Variants in RABGAP1L observed in about 807,000 individuals in gnomAD.
RABGAP1L encodes RAB GTPase activating protein 1 like.
In RABGAP1L, 63 loss-of-function variants were observed where a neutral mutation model predicts 137.7. The ratio of observed to expected loss-of-function variants is 0.46; its 90% CI spans 0.37 to 0.56. The LOEUF (loss-of-function observed/expected upper bound fraction) is 0.56. Among genes scored for constraint, RABGAP1L ranks in the 20% least tolerant of loss-of-function variants. RABGAP1L has a pLI of 0.00. For missense variants in RABGAP1L, 1,095 were observed against 1,244.0 expected (o/e 0.88, Z 1.80); for synonymous variants, 431 against 433.7 (o/e 0.99, Z 0.08).
At chr1:174,825,313 G>A (rs986169654) in intron 19 of RABGAP1L, among the ~76,000 whole-genome samples, 2 of 152,152 alleles carry the variant, frequency 1.3e-5, no homozygotes, top group African/African-American at 4.8e-5. Context: ...TCTCATTGTG[G>A]CACAAGTTCA....
intron 18 of RABGAP1L, among the ~76,000 whole-genome samples, chr1:174,767,808 A>C (rs1685797986): frequency 6.6e-6 from 1 of 152,214 alleles, no homozygotes; most frequent in Non-Finnish European, 1.5e-5. Flanking sequence ...TTACAAAAAA[A>C]AGGGGTTTAT....
At chr1:174,611,239 G>T (rs905403174) in intron 13 of RABGAP1L, among the ~76,000 whole-genome samples, 1 of 149,094 alleles carries the variant, frequency 6.7e-6, no homozygotes, top group Non-Finnish European at 1.5e-5. Flanking sequence ...TGTATAAGGT[G>T]TAAGGAAGGG....
chr1:174,522,375 G>A (rs1247321328), intron 13 of RABGAP1L, among the ~76,000 whole-genome samples: 3 of 152,040 alleles, frequency 2.0e-5, no homozygotes, highest in Non-Finnish European at 2.9e-5. Flanking sequence ...TCAGGTGTTC[G>A]AGACTAGCCT....
intron 13 of RABGAP1L, among the ~76,000 whole-genome samples, chr1:174,578,952 A>C (rs762531856): frequency 6.6e-6 from 1 of 152,158 alleles, no homozygotes; most frequent in African/African-American, 2.4e-5. Context: ...TTTCATACAT[A>C]TGAGACTTTC....
chr1:174,761,558 G>A lies in RABGAP1L; in HGVS notation c.2211+9204G>A, dbSNP rs1014851864. On this transcript the variant is annotated intron_variant, in intron 18 of 25. Transcript: ENST00000681986. This position sits in a 1 kb window ranked among gnomAD's most constrained non-coding sequence, Gnocchi z 4.0. Reference sequence around the variant, plus strand: ...TCCTCACTTCCCAGATGGTGGGGCCGCCTAGCAGAGGCGCTCCTCATTTTT... The same window carrying A: ...TCCTCACTTCCCAGATGGTGGGGCCACCTAGCAGAGGCGCTCCTCATTTTT... Among the ~76,000 whole-genome samples, 2 of 152,072 alleles carry A rather than the reference G, an allele frequency of 1.3e-5. No individual in the cohort carries two copies. The highest frequency in any genetic ancestry group is 6.5e-5 in the Admixed American group (1 of 15,270).
At chr1:174,987,667 T>C (rs568467412) in intron 24 of RABGAP1L, among the ~76,000 whole-genome samples, 5 of 152,332 alleles carry the variant, frequency 3.3e-5, no homozygotes, top group Admixed American at 3.3e-4. Context: ...GGCATCAAAG[T>C]AGAAATAGCA....
At chr1:174,262,486 G>C (rs1187965115) in intron 7 of RABGAP1L, among the ~76,000 whole-genome samples, 1 of 152,108 alleles carries the variant, frequency 6.6e-6, no homozygotes, top group Non-Finnish European at 1.5e-5. Context: ...TAGATGCACA[G>C]GAAATTGCAA....
In RABGAP1L at chr1:174,323,630, G is replaced by A. The variant is rs549186992; in HGVS notation, c.1465+18503G>A. On this transcript the variant is annotated intron_variant, in intron 11 of 25. Coordinates refer to ENST00000681986, the MANE Select transcript of RABGAP1L (RefSeq NM_001366446.1). ...TAGGGAGCTTTCATCATATTTGGAA[G>A]CATTTTTGCAAAGTGGTTTCAAGCA... is the stretch of plus-strand genomic sequence containing the variant. Among the ~76,000 whole-genome samples, 104 of 152,160 alleles carry A rather than the reference G, an allele frequency of 6.8e-4. 1 individual carries two copies. The highest frequency in any genetic ancestry group is 2.3e-3 in the African/African-American group (95 of 41,540).
chr1:174,339,692 T>A (rs1681798926), intron 11 of RABGAP1L, among the ~76,000 whole-genome samples: 1 of 152,100 alleles, frequency 6.6e-6, no homozygotes, highest in Non-Finnish European at 1.5e-5. Context: ...CTGCAACCTC[T>A]GCTTCCCAGG....
intron 19 of RABGAP1L, among the ~76,000 whole-genome samples, chr1:174,925,541 G>T (rs947317768): frequency 2.6e-5 from 4 of 151,932 alleles, no homozygotes; most frequent in African/African-American, 9.7e-5. Flanking sequence ...GCCAGGTAGG[G>T]GAGGGCTTTG....
At chr1:174,188,716 AAATCTTTTTTCCTGAGCAGTGGGTCTC>A (rs1666990885) in intron 1 of RABGAP1L, among the ~76,000 whole-genome samples, 1 of 152,208 alleles carries the variant, frequency 6.6e-6, no homozygotes, top group South Asian at 2.1e-4. Flanking sequence ...ATTTTGAAAG[AAATCTTTTTTCCTGAGCAGTGGGTCTC>A]AACAATGGTT....
At chr1:174,792,444 A>G (rs1687928719) in intron 18 of RABGAP1L, among the ~76,000 whole-genome samples, 1 of 152,226 alleles carries the variant, frequency 6.6e-6, no homozygotes, top group African/African-American at 2.4e-5. Context: ...TATTTTAATT[A>G]ACGTCACGTG....
intron 14 of RABGAP1L, among the ~76,000 whole-genome samples, chr1:174,665,379 C>G (rs904905375): frequency 1.3e-5 from 2 of 151,630 alleles, no homozygotes; most frequent in Non-Finnish European, 2.9e-5. Flanking sequence ...CTTTTCTTTT[C>G]CTTTCCTTTC....
intron 13 of RABGAP1L, among the ~76,000 whole-genome samples, chr1:174,492,176 CTTTTT>C (rs756360090): frequency 2.5e-4 from 30 of 119,986 alleles, no homozygotes; most frequent in Non-Finnish European, 3.7e-4. Context: ...TGTCGAATTA[CTTTTT>C]TTTTTTTTTT....
intron 11 of RABGAP1L, among the ~76,000 whole-genome samples, chr1:174,353,426 C>G (rs544408499): frequency 1.2e-4 from 19 of 152,132 alleles, no homozygotes; most frequent in Non-Finnish European, 2.5e-4. Flanking sequence ...AGATCACTTG[C>G]ACCTCATGTC....
intron 13 of RABGAP1L, among the ~76,000 whole-genome samples, chr1:174,488,163 G>A (rs1011811250): frequency 6.6e-6 from 1 of 151,938 alleles, no homozygotes; most frequent in African/African-American, 2.4e-5. Context: ...GCTCATTAAT[G>A]TCCTTTTCTT....
chr1:174,626,887 A>T (rs1672976142), intron 13 of RABGAP1L, among the ~76,000 whole-genome samples: 1 of 152,202 alleles, frequency 6.6e-6, no homozygotes, highest in South Asian at 2.1e-4. Flanking sequence ...CCAATTTGTG[A>T]TGTTTTATCA....
intron 13 of RABGAP1L, chr1:174,547,795 T>C: frequency 6.9e-7 from 1 of 1,447,618 alleles, no homozygotes; most frequent in Non-Finnish European, 9.4e-7. Context: ...TATTACCTAT[T>C]ACATAGTATT....
At chr1:174,894,616 A>G (rs1458438255) in intron 19 of RABGAP1L, among the ~76,000 whole-genome samples, 3 of 152,208 alleles carry the variant, frequency 2.0e-5, no homozygotes, top group Non-Finnish European at 4.4e-5. Context: ...ACTTTCACCT[A>G]TTATGTTACA....
Sources: allele counts gnomAD v4.1 joint callset (sites outside exome capture counted in the v4.1 genomes callset), GRCh38; gene constraint gnomAD v4.1.1; non-coding constraint Gnocchi (gnomAD v3.1); transcripts MANE v1.5; gene names NCBI Gene and HGNC (gene_info 2026-07-23, HGNC 2026-07-21).